Variants in CEP72 observed in about 807,000 individuals in gnomAD.
CEP72 encodes the protein centrosomal protein of 72 kDa.
A neutral mutation model predicts 65.7 loss-of-function variants in CEP72; 78 were observed. The observed-to-expected ratio is 1.19, with a 90% CI of 0.99 to 1.43. CEP72 has a LOEUF of 1.43. CEP72 is among the 40% of genes most tolerant of loss of function. The probability of loss-of-function intolerance (pLI) is 0.00; values close to 1 mark genes in which losing one functional copy is unlikely to be tolerated. For missense variants in CEP72, 914 were observed against 832.9 expected (o/e 1.10, Z -1.20); for synonymous variants, 358 against 351.7 (o/e 1.02, Z -0.20).
rs1355679619 is a variant in CEP72, at chr5:620,070, G to T, written c.212G>T (p.Gly71Val). The T allele has an allele frequency of 6.3e-7, 1 of 1,595,808 alleles. No homozygotes were observed. Among genetic ancestry groups the T allele is most frequent in the Admixed American group, 1.7e-5 (1 of 59,740 alleles). ...ATTCACTGTGTTTTCTGTTGACAGG[G>T]CATTCAGTACCTGACTGCATTGGAG... ...LSRNSLVSLE[G>V]IQYLTALESL... The change falls in exon 3 of 12, where the codon GGC (glycine) becomes GTC (valine). Residue 71 changes from glycine (G) to valine (V), a missense_variant and splice_region_variant. Coordinates refer to ENST00000264935, the MANE Select transcript of CEP72 (RefSeq NM_018140.4).
chr5:672,951 A>G, the CEP72 span, among the ~76,000 whole-genome samples: 3 of 152,242 alleles, frequency 2.0e-5, no homozygotes, highest in Non-Finnish European at 4.4e-5. Flanking sequence ...AGGCTCGCAG[A>G]TACCCCGAGC....
At chr5:671,569 A>G (rs1192096745), downstream of CEP72, among the ~76,000 whole-genome samples, 1 of 152,192 alleles carries the variant, frequency 6.6e-6, no homozygotes, top group Non-Finnish European at 1.5e-5. Context: ...AGCGCAGGAG[A>G]CGGGTGCCTG....
chr5:673,814 C>A, the CEP72 span, among the ~76,000 whole-genome samples: 63 of 152,328 alleles, frequency 4.1e-4, no homozygotes, highest in African/African-American at 1.4e-3. Flanking sequence ...CCCAGACCAG[C>A]TGGGGCTCCT....
chr5:635,795 G>T (rs984551874), intron 6 of CEP72, among the ~76,000 whole-genome samples: 4 of 152,272 alleles, frequency 2.6e-5, no homozygotes, highest in African/African-American at 9.6e-5. Flanking sequence ...AATGGAGCTA[G>T]ACTCATCCTT....
At chr5:631,956 C>A (rs373344832) in intron 4 of CEP72, among the ~76,000 whole-genome samples, 29 of 28,826 alleles carry the variant, frequency 1.0e-3, no homozygotes, top group East Asian at 2.9e-3. Flanking sequence ...CGGGATTTGG[C>A]CCAGTCCTGG....
At chr5:649,354 C>T (rs1221513241) in intron 11 of CEP72, among the ~76,000 whole-genome samples, 11 of 66,322 alleles carry the variant, frequency 1.7e-4, no homozygotes, top group Admixed American at 6.9e-4. Context: ...GACTGTGAGG[C>T]GTGGACTGTG....
In CEP72 at chr5:652,642, T is replaced by C. The variant is rs575224688; in HGVS notation, c.1779-346T>C. Among the ~76,000 whole-genome samples, 5 of 152,396 alleles carry C rather than the reference T, an allele frequency of 3.3e-5. No individual in the cohort carries two copies. In the East Asian group the frequency reaches 9.6e-4, roughly 29 times the overall value. On this transcript the variant is annotated intron_variant, in intron 11 of 11. Transcript: ENST00000264935. Reference sequence around the variant, plus strand: ...ATTTTCTAGAATTAGAACATTGTTTTGCTAGCCATGAAGTTTATCATCTTC... The same window carrying C: ...ATTTTCTAGAATTAGAACATTGTTTCGCTAGCCATGAAGTTTATCATCTTC...
At chr5:627,041 G>A (rs946082763) in intron 4 of CEP72, among the ~76,000 whole-genome samples, 1 of 152,218 alleles carries the variant, frequency 6.6e-6, no homozygotes, top group Non-Finnish European at 1.5e-5. Context: ...GAATGAGTTA[G>A]GAAGTCATCT....
At chr5:654,732 T>G (rs940146042), downstream of CEP72, among the ~76,000 whole-genome samples, 1 of 152,226 alleles carries the variant, frequency 6.6e-6, no homozygotes, top group Non-Finnish European at 1.5e-5. Flanking sequence ...TTACCTCGTT[T>G]GGGTTTCATT....
chr5:615,820 G>A (rs971768185), intron 1 of CEP72, among the ~76,000 whole-genome samples: 1 of 152,016 alleles, frequency 6.6e-6, no homozygotes, highest in African/African-American at 2.4e-5. Flanking sequence ...ATGTTTTGGT[G>A]TATATCTCCT....
rs1448022836 is a variant in CEP72 at position 648,861 on chromosome 5, CTG to C, written c.1778+948_1778+949del. Among the ~76,000 whole-genome samples, 4 of 99,852 alleles carry C rather than the reference CTG, an allele frequency of 4.0e-5. 1 individual carries two copies. The highest frequency in any genetic ancestry group is 8.5e-5 in the African/African-American group (2 of 23,608). The allele number at this position is 99,852 out of a possible 152,430, so 65.5% of individuals were successfully genotyped here. On this transcript the variant is annotated intron_variant, in intron 11 of 11. Transcript: ENST00000264935. Reference sequence around the variant, plus strand: ...GTGAGGTGTGGACTGTGAGGTGTGACTGTGAGGTGTGACTGTGAGGTGTGACT... The same window carrying C: ...GTGAGGTGTGGACTGTGAGGTGTGACTGAGGTGTGACTGTGAGGTGTGACT...
Position 653,162 on chromosome 5 carries a change from G to A in CEP72, c.*9G>A, listed in dbSNP as rs1181622757. 17 of 1,591,610 alleles carry A rather than the reference G, an allele frequency of 1.1e-5. No individual in the cohort carries two copies. The highest frequency in any genetic ancestry group is 2.2e-5 in the East Asian group (1 of 44,582). ...GCTGCCAGGCCTGCTGACTCCTGCC[G>A]AGAAGCTGGGCCACCCCTTAAGCTT... On this transcript the variant is annotated 3_prime_UTR_variant, in exon 12 of 12. Coordinates refer to ENST00000264935, the MANE Select transcript of CEP72 (RefSeq NM_018140.4).
intron 10 of CEP72, among the ~76,000 whole-genome samples, chr5:647,524 G>T (rs545695037): frequency 6.6e-6 from 1 of 152,194 alleles, no homozygotes; most frequent in African/African-American, 2.4e-5. Context: ...AGCCAGTGCC[G>T]CCTCTCCCTG....
At chr5:649,089 G>T (rs1738695775) in intron 11 of CEP72, among the ~76,000 whole-genome samples, 1 of 148,766 alleles carries the variant, frequency 6.7e-6, no homozygotes, top group Non-Finnish European at 1.5e-5. Context: ...TGACTGTGAG[G>T]TGTGACTGTG....
rs184392964 is a variant in CEP72 at position 638,306 on chromosome 5, C to T, written c.1206+488C>T. Among the ~76,000 whole-genome samples the T allele has an allele frequency of 4.6e-5, 7 of 152,196 alleles. No homozygotes were observed. In the East Asian group the frequency reaches 1.2e-3, roughly 25 times the overall value. ...CCTGGAGGTCGCTGTGATGAGAGAC[C>T]GAGTCACTCCACCCTCAGGGTGACC... On this transcript the variant is annotated intron_variant, in intron 7 of 11. Transcript: ENST00000264935.
chr5:619,926 AT>A, intron 2 of CEP72, 142 bp from the exon 3 acceptor site: 1 of 692,274 alleles, frequency 1.4e-6, no homozygotes, highest in South Asian at 2.0e-5. Flanking sequence ...AGAACGTTTC[AT>A]TTTTCTACTT....
At chr5:649,148 CTG>C (rs1312059626) in intron 11 of CEP72, among the ~76,000 whole-genome samples, 1 of 138,656 alleles carries the variant, frequency 7.2e-6, no homozygotes, top group Non-Finnish European at 1.5e-5. Flanking sequence ...TGAGGCGTGA[CTG>C]TGAGGCGTGA....
intron 11 of CEP72, among the ~76,000 whole-genome samples, chr5:651,854 A>T (rs1580044832): frequency 1.1e-5 from 1 of 87,854 alleles, no homozygotes; most frequent in African/African-American, 4.6e-5. Context: ...CTTTCCCCCG[A>T]CCTCCCATTC....
intron 1 of CEP72, among the ~76,000 whole-genome samples, chr5:617,657 T>C (rs1231116255): frequency 6.6e-6 from 1 of 152,212 alleles, no homozygotes; most frequent in Non-Finnish European, 1.5e-5. Flanking sequence ...ATCCTGCTGT[T>C]TAGCTGCACC....
Sources: gnomAD v4.1 joint callset for allele counts (sites outside exome capture counted in the v4.1 genomes callset) on GRCh38, gnomAD v4.1.1 for gene constraint, MANE v1.5 for transcripts, NCBI Gene and HGNC (gene_info 2026-07-23, HGNC 2026-07-21) for gene names.